The following ANO3 variants were observed in gnomAD, a reference collection of about 807,000 sequenced individuals.
ANO3 encodes the protein anoctamin 3, also known as anoctamin-3.
Under a neutral mutation model 144.8 loss-of-function variants are expected in ANO3, and 99 were observed. The ratio of observed to expected loss-of-function variants is 0.68; its 90% CI spans 0.58 to 0.81. The LOEUF (loss-of-function observed/expected upper bound fraction) is 0.81, where lower values mean the gene tolerates loss of function less well. ANO3 is among the 30% of genes least tolerant of loss of function. The pLI, the probability that ANO3 is intolerant of heterozygous loss-of-function variation, is 0.00. For synonymous variants in ANO3, 414 were observed against 392.6 expected (o/e 1.05, Z -0.64); for missense variants, 905 against 1,202.2 (o/e 0.75, Z 3.66).
chr11:26,331,230 C>T (rs191194400), upstream of ANO3, among the ~76,000 whole-genome samples: 3 of 152,242 alleles, frequency 2.0e-5, no homozygotes, highest in East Asian at 1.9e-4. Context: ...CTGCTGGGCT[C>T]AATACCCGGG....
At chr11:26,217,977 T>C (rs73439627) in intron 1 of ANO3, among the ~76,000 whole-genome samples, 2,440 of 152,192 alleles carry the variant, frequency 0.016, 85 homozygotes, top group African/African-American at 0.056. Context: ...GGCATTGAAC[T>C]GTGGGCCAGA....
chr11:26,406,879 G>A (rs1857290989), intron 1 of ANO3, among the ~76,000 whole-genome samples: 2 of 149,908 alleles, frequency 1.3e-5, no homozygotes, highest in Admixed American at 6.7e-5. Flanking sequence ...TTTCTTAAAT[G>A]CTGGGAAATA....
chr11:26,563,355 G>A lies in ANO3; in HGVS notation c.1447+3576G>A. The stretch of plus-strand genomic sequence containing the variant: ...GTGAACTTTCCATATAACAAAGAAT[G>A]TTTAACATTTTAAAATTAGATAATG... On this transcript the variant is annotated intron_variant, in intron 14 of 26. Coordinates refer to ENST00000256737, the MANE Select transcript of ANO3 (RefSeq NM_031418.4). 3.1e-6 allele frequency: 4 copies of A among 1,278,794 alleles called. No individual in the cohort carries two copies. The South Asian group carries it at 4.8e-5, about 15-fold the overall frequency. 79.2% of individuals were successfully genotyped at this position (1,278,794 alleles called of 1,614,324 possible).
intron 1 of ANO3, among the ~76,000 whole-genome samples, chr11:26,241,999 A>C (rs545904494): frequency 6.6e-6 from 1 of 152,344 alleles, no homozygotes; most frequent in African/African-American, 2.4e-5. Flanking sequence ...AACAGAGAGG[A>C]TATAACATTT....
At position 26,420,421 on chromosome 11, in the gene ANO3, A is replaced by G. The variant is rs58353447; in HGVS notation, c.47-21497A>G. Among the ~76,000 whole-genome samples the G allele has an allele frequency of 9.9e-3, 1,507 of 152,114 alleles. 21 individuals carry two copies. Among genetic ancestry groups the G allele is most frequent in the African/African-American group, 0.034 (1,393 of 41,524 alleles). The stretch of plus-strand genomic sequence containing the variant: ...ATCCTGCCCCTCTTACCAGTTTACC[A>G]TGTGCCCCAGGAAGCAGATATCTAA... On this transcript the variant is annotated intron_variant, in intron 1 of 26. Coordinates refer to ENST00000256737, the MANE Select transcript of ANO3 (RefSeq NM_031418.4).
At chr11:26,307,587 C>T (rs1006135060), upstream of ANO3, among the ~76,000 whole-genome samples, 5 of 151,780 alleles carry the variant, frequency 3.3e-5, no homozygotes, top group Non-Finnish European at 7.4e-5. Flanking sequence ...GACATGGTGG[C>T]ACATGCCTGT....
At chr11:26,529,823 G>A (rs1849319155) in intron 7 of ANO3, among the ~76,000 whole-genome samples, 1 of 152,018 alleles carries the variant, frequency 6.6e-6, no homozygotes, top group Admixed American at 6.6e-5. Flanking sequence ...AAATAAATCT[G>A]ATTTCAATCA....
intron 1 of ANO3, among the ~76,000 whole-genome samples, chr11:26,346,631 A>T (rs1855502395): frequency 6.6e-6 from 1 of 152,198 alleles, no homozygotes; most frequent in South Asian, 2.1e-4. Flanking sequence ...ACCAGAGATC[A>T]TGAAGTGACT....
At chr11:26,355,143 T>C (rs950762268) in intron 1 of ANO3, among the ~76,000 whole-genome samples, 1 of 152,130 alleles carries the variant, frequency 6.6e-6, no homozygotes, top group Non-Finnish European at 1.5e-5. Flanking sequence ...TTTCTTGTAT[T>C]AGGGCTCTTT....
At chr11:26,294,134 A>T (rs1174151429) in intron 1 of ANO3, among the ~76,000 whole-genome samples, 3 of 152,092 alleles carry the variant, frequency 2.0e-5, no homozygotes, top group Non-Finnish European at 2.9e-5. Context: ...CGTTTAAAGG[A>T]CTGTTGTCCA....
chr11:26,445,673 G>C (rs925348298), intron 3 of ANO3, among the ~76,000 whole-genome samples: 2 of 151,826 alleles, frequency 1.3e-5, no homozygotes, highest in Non-Finnish European at 2.9e-5. Flanking sequence ...CAAATGATGA[G>C]GTGTTTGCCT....
At chr11:26,523,026 T>G (rs1044182957) in intron 6 of ANO3, among the ~76,000 whole-genome samples, 9 of 152,190 alleles carry the variant, frequency 5.9e-5, no homozygotes, top group African/African-American at 1.9e-4. Flanking sequence ...GACTCACAAT[T>G]CTGCATGGCT....
At chr11:26,309,402 T>G (rs138204934), upstream of ANO3, among the ~76,000 whole-genome samples, 1 of 152,314 alleles carries the variant, frequency 6.6e-6, no homozygotes, top group East Asian at 1.9e-4. Context: ...AGATGACAGC[T>G]AAATCAGCTT....
intron 17 of ANO3, among the ~76,000 whole-genome samples, chr11:26,618,028 A>G (rs10835022): frequency 0.29 from 43,950 of 152,056 alleles, 6,706 homozygotes; most frequent in South Asian, 0.45. Flanking sequence ...TCAGACCAAA[A>G]CTAAATATGC....
upstream of ANO3, among the ~76,000 whole-genome samples, chr11:26,329,011 T>G (rs1427228666): frequency 6.6e-6 from 1 of 151,994 alleles, no homozygotes; most frequent in African/African-American, 2.4e-5. Context: ...TCATGCCCCC[T>G]CACTAAACAT....
rs1438728425 is a variant in ANO3 at position 26,244,134 on chromosome 11, AAAG to A, written c.154+54807_154+54809del. ...TCTGTCTGAAAAAAAAAAAAAAAGA[AAAG>A]AAAAAGAAAAAGAAAAGAAAAGAAA... is the stretch of plus-strand genomic sequence containing the variant. On this transcript the variant is annotated intron_variant, in intron 1 of 27. Transcript: ENST00000672621. Among the ~76,000 whole-genome samples, 35 of 91,476 alleles carry A rather than the reference AAAG, an allele frequency of 3.8e-4. 1 individual carries two copies. Among genetic ancestry groups the A allele is most frequent in the Admixed American group, 3.8e-3 (35 of 9,320 alleles). The allele number at this position is 91,476 out of a possible 152,430, so 60.0% of individuals were successfully genotyped here. A position where few individuals can be genotyped will look rare whatever the true frequency, so the allele number is the denominator to read the frequency against.
At position 26,598,855 on chromosome 11, in the gene ANO3, T is replaced by C. The variant is rs149711015; in HGVS notation, c.1531-3T>C. On this transcript the variant is annotated splice_region_variant and splice_polypyrimidine_tract_variant and intron_variant, in intron 15 of 26. Coordinates refer to ENST00000256737, the MANE Select transcript of ANO3 (RefSeq NM_031418.4). ...ATTTAGATAACTTTCGTTTCTCTCA[T>C]AGGAAACACTTCGTCCCCAGTTTGA... 9.7e-5 allele frequency: 156 copies of C among 1,611,896 alleles called. No homozygotes were observed. The East Asian group carries it at 3.3e-3, about 34-fold the overall frequency.
chr11:26,260,220 G>A (rs1362378899), intron 1 of ANO3, among the ~76,000 whole-genome samples: 1 of 152,066 alleles, frequency 6.6e-6, no homozygotes, highest in Non-Finnish European at 1.5e-5. Context: ...TTCTGTGGCT[G>A]AGCCAGGGTT....
At chr11:26,218,917 C>T (rs34817561) in intron 1 of ANO3, among the ~76,000 whole-genome samples, 45,780 of 151,798 alleles carry the variant, frequency 0.3, 7,589 homozygotes, top group Non-Finnish European at 0.37. Context: ...ATTAAATTGC[C>T]ACAGGATGAA....
Sources: gnomAD v4.1 joint callset for allele counts (sites outside exome capture counted in the v4.1 genomes callset) on GRCh38, gnomAD v4.1.1 for gene constraint, MANE v1.5 for transcripts, NCBI Gene and HGNC (gene_info 2026-07-23, HGNC 2026-07-21) for gene names.